Variants in KIAA1217 observed in about 807,000 individuals in gnomAD.
KIAA1217 encodes sickle tail protein homolog.
In KIAA1217, 88 loss-of-function variants were observed where a neutral mutation model predicts 163.9. The ratio of observed to expected loss-of-function variants is 0.54; its 90% CI spans 0.45 to 0.64. The LOEUF is 0.64. Among genes scored for constraint, KIAA1217 ranks in the 30% least tolerant of loss-of-function variants. The pLI, the probability that KIAA1217 is intolerant of heterozygous loss-of-function variation, is 0.00. For synonymous variants in KIAA1217, 903 were observed against 923.1 expected, an observed-to-expected ratio of 0.98 and a Z score of 0.39; for missense variants, 2,372 against 2,475.0, an observed-to-expected ratio of 0.96 and a Z score of 0.88.
intron 2 of KIAA1217, among the ~76,000 whole-genome samples, chr10:24,319,556 G>T (rs1442828592): frequency 6.6e-6 from 1 of 152,136 alleles, no homozygotes. Context: ...AATCTATACA[G>T]CTTGCATGGT....
At chr10:23,724,072 C>T (rs1369968417) in intron 1 of KIAA1217, among the ~76,000 whole-genome samples, 1 of 152,126 alleles carries the variant, frequency 6.6e-6, no homozygotes, top group South Asian at 2.1e-4. Flanking sequence ...AACTCACTCA[C>T]TCCTAAGAAC....
rs556158104 is a variant in KIAA1217, at chr10:24,291,275, T to G, written c.354+71366T>G. Reference sequence around the variant, plus strand: ...TGGGCATGGTGGCTCACGCCTGTAGTCCCAGCACTTTGAGAGGCTGAGGCG... The same window carrying G: ...TGGGCATGGTGGCTCACGCCTGTAGGCCCAGCACTTTGAGAGGCTGAGGCG... On this transcript the variant is annotated intron_variant, in intron 2 of 20. Transcript: ENST00000376454. 7.2e-5 allele frequency among the ~76,000 whole-genome samples: 11 copies of G among 152,292 alleles called. No individual in the cohort carries two copies. The South Asian group carries it at 1.2e-3, about 17-fold the overall frequency.
chr10:24,166,523 AG>A (rs1361268777), intron 2 of KIAA1217, among the ~76,000 whole-genome samples: 2 of 152,036 alleles, frequency 1.3e-5, no homozygotes, highest in Non-Finnish European at 2.9e-5. Flanking sequence ...GGATCACTTG[AG>A]GTAAGGGGTT....
intron 1 of KIAA1217, among the ~76,000 whole-genome samples, chr10:23,898,122 A>C (rs1841785785): frequency 6.6e-6 from 1 of 151,960 alleles, no homozygotes; most frequent in Non-Finnish European, 1.5e-5. Flanking sequence ...CTCATATTTT[A>C]CTGAACAAGC....
At chr10:23,845,052 G>A (rs1023699659) in intron 1 of KIAA1217, among the ~76,000 whole-genome samples, 1 of 152,102 alleles carries the variant, frequency 6.6e-6, no homozygotes, top group African/African-American at 2.4e-5. Flanking sequence ...CCATGTCCCT[G>A]CAAAGAACAT....
At chr10:24,051,028 G>A (rs1849463822) in intron 2 of KIAA1217, among the ~76,000 whole-genome samples, 1 of 152,068 alleles carries the variant, frequency 6.6e-6, no homozygotes, top group Non-Finnish European at 1.5e-5. Context: ...GATCACCTAA[G>A]CAATGTACAC....
rs1053796997 is a variant in KIAA1217 at position 23,695,787 on chromosome 10, A to G, written c.-321+553A>G. Among the ~76,000 whole-genome samples the G allele has an allele frequency of 1.5e-4, 23 of 152,276 alleles. No individual in the cohort carries two copies. Among genetic ancestry groups the G allele is most frequent in the Admixed American group, 1.5e-3 (23 of 15,306 alleles). On this transcript the variant is annotated intron_variant, in intron 1 of 18. Transcript: ENST00000376462. This position sits in a 1 kb window ranked among gnomAD's most constrained non-coding sequence, Gnocchi z 4.9. ...AGGTTTGGGTCTTCTGAGACGCTCC[A>G]GACTCTCCGGAGGCGGCAGAGGTCG...
intron 1 of KIAA1217, among the ~76,000 whole-genome samples, chr10:23,905,127 T>C (rs919198599): frequency 6.8e-6 from 1 of 146,622 alleles, no homozygotes; most frequent in Non-Finnish European, 1.5e-5. Context: ...TGTGTAGTTA[T>C]ACCTAATGTA....
intron 6 of KIAA1217, among the ~76,000 whole-genome samples, chr10:24,487,285 C>T (rs978292161): frequency 2.6e-5 from 4 of 152,218 alleles, no homozygotes; most frequent in African/African-American, 9.6e-5. Flanking sequence ...AGAATTCTGG[C>T]TGGGCTGTAG....
chr10:23,933,830 A>G (rs1044281852), intron 1 of KIAA1217, among the ~76,000 whole-genome samples: 11 of 152,174 alleles, frequency 7.2e-5, no homozygotes, highest in African/African-American at 2.7e-4. Flanking sequence ...AATCAAAACC[A>G]CAGTGAGATA....
intron 2 of KIAA1217, among the ~76,000 whole-genome samples, chr10:24,121,713 T>C (rs781293831): frequency 6.6e-6 from 1 of 152,334 alleles, no homozygotes; most frequent in South Asian, 2.1e-4. Flanking sequence ...ACAAAAGGCA[T>C]GTTAAATAAT....
At chr10:23,900,930 G>T (rs1164023002) in intron 1 of KIAA1217, among the ~76,000 whole-genome samples, 1 of 152,038 alleles carries the variant, frequency 6.6e-6, no homozygotes, top group Non-Finnish European at 1.5e-5. Context: ...TGGAGATTAG[G>T]TAAAATAATG....
intron 1 of KIAA1217, among the ~76,000 whole-genome samples, chr10:23,940,694 A>G (rs1234852812): frequency 6.6e-6 from 1 of 152,162 alleles, no homozygotes; most frequent in African/African-American, 2.4e-5. Context: ...TTTGGACAAG[A>G]CAGAACAAGT....
At chr10:24,233,623 CAG>C (rs1349478278) in intron 2 of KIAA1217, among the ~76,000 whole-genome samples, 1 of 152,158 alleles carries the variant, frequency 6.6e-6, no homozygotes, top group East Asian at 1.9e-4. Context: ...TAGATGTGAT[CAG>C]AGAGTGCAAT....
Position 24,543,965 on chromosome 10 carries a change from G to A in KIAA1217, c.4695G>A (p.Gln1565=). 6.2e-7 allele frequency: 1 copy of A among 1,614,106 alleles called. No individual in the cohort carries two copies. The highest frequency in any genetic ancestry group is 8.5e-7 in the Non-Finnish European group (1 of 1,180,052). Residue 1565 remains glutamine, a synonymous_variant, in exon 19 of 21, where the codon CAG becomes CAA. Coordinates refer to ENST00000376454, the MANE Select transcript of KIAA1217 (RefSeq NM_019590.5). ...ECKGEDATDD[Q]FESPKKKFKF... ...AGGGTGAGGACGCGACCGATGACCA[G>A]TTTGAAAGCCCCAAGAAAAAGTTTA...
At chr10:24,390,150 C>A (rs1389927198) in intron 3 of KIAA1217, among the ~76,000 whole-genome samples, 2 of 152,128 alleles carry the variant, frequency 1.3e-5, no homozygotes, top group South Asian at 2.1e-4. Flanking sequence ...TACAACTGAT[C>A]TCTGACTGCA....
intron 2 of KIAA1217, among the ~76,000 whole-genome samples, chr10:24,345,336 TTATC>T (rs1458316508): frequency 1.4e-4 from 21 of 152,172 alleles, no homozygotes; most frequent in African/African-American, 5.1e-4. Context: ...ACGGCAATAT[TTATC>T]TACGCATAGG....
chr10:24,176,095 C>A (rs1201726898), intron 2 of KIAA1217, among the ~76,000 whole-genome samples: 2 of 152,164 alleles, frequency 1.3e-5, no homozygotes, highest in African/African-American at 4.8e-5. Flanking sequence ...TTACAGAGAG[C>A]TGATTGGTCC....
chr10:24,109,712 C>T (rs140795187), intron 2 of KIAA1217, among the ~76,000 whole-genome samples: 542 of 152,072 alleles, frequency 3.6e-3, no homozygotes, highest in African/African-American at 0.012. Flanking sequence ...GTAAAAAGAA[C>T]GAGGAATAAG....
Sources: gnomAD v4.1 joint callset for allele counts (sites outside exome capture counted in the v4.1 genomes callset) on GRCh38, gnomAD v4.1.1 for gene constraint, Gnocchi (gnomAD v3.1) non-coding constraint, MANE v1.5 for transcripts, NCBI Gene and HGNC (gene_info 2026-07-23, HGNC 2026-07-21) for gene names.